RELN: variants seen among roughly 807,000 people sequenced by gnomAD.
RELN encodes reelin.
RELN carries 108 observed loss-of-function variants against 427.6 expected under a neutral mutation model. That is an observed-to-expected ratio of 0.25 (90% confidence interval 0.22 to 0.30). The LOEUF (loss-of-function observed/expected upper bound fraction) is 0.30, where lower values mean the gene tolerates loss of function less well. Among genes scored for constraint, RELN ranks in the 10% least tolerant of loss-of-function variants. The pLI is 1.00. For synonymous variants in RELN, 1,524 were observed against 1,513.4 expected (o/e 1.01, Z -0.16); for missense variants, 3,715 against 4,302.8 (o/e 0.86, Z 3.82).
intron 3 of RELN, among the ~76,000 whole-genome samples, chr7:103,829,774 G>A (rs1011837388): frequency 2.0e-5 from 3 of 151,816 alleles, no homozygotes; most frequent in Admixed American, 6.6e-5. Flanking sequence ...AATCTTCACC[G>A]GGAAAGGCAC....
In RELN at chr7:103,626,555, T is replaced by C. The variant is rs999642521; in HGVS notation, c.2702+3385A>G. 6.6e-6 allele frequency among the ~76,000 whole-genome samples: 1 copy of C among 152,120 alleles called. No individual in the cohort carries two copies. Among genetic ancestry groups the C allele is most frequent in the African/African-American group, 2.4e-5 (1 of 41,442 alleles). Reference sequence around the variant, plus strand: ...CAGTAGAGATGGCGTTTTACCATGTTGGCCAGGCTGGTCTTTGAATTCCTG... The same window carrying C: ...CAGTAGAGATGGCGTTTTACCATGTCGGCCAGGCTGGTCTTTGAATTCCTG... On this transcript the variant is annotated intron_variant, in intron 20 of 64. Transcript: ENST00000428762. This position sits in a 1 kb window ranked among gnomAD's most constrained non-coding sequence, Gnocchi z 4.4.
chr7:103,874,435 C>A (rs1409832334), intron 2 of RELN, among the ~76,000 whole-genome samples: 2 of 144,478 alleles, frequency 1.4e-5, no homozygotes, highest in African/African-American at 5.0e-5. Flanking sequence ...TTGCAGATGA[C>A]ATGATTGTAT....
intron 4 of RELN, among the ~76,000 whole-genome samples, chr7:103,765,330 T>C (rs138493563): frequency 4.8e-4 from 73 of 152,318 alleles, no homozygotes; most frequent in African/African-American, 1.8e-3. Context: ...CCTTCTCTTC[T>C]GGGTTTGCAT....
intron 2 of RELN, among the ~76,000 whole-genome samples, chr7:103,850,582 G>A (rs980582682): frequency 6.6e-6 from 1 of 152,152 alleles, no homozygotes. Flanking sequence ...AATTTGAATG[G>A]GGCGAGAAGC....
intron 19 of RELN, 139 bp downstream of exon 19, chr7:103,635,286 T>C (rs1832553978): frequency 1.0e-5 from 9 of 859,778 alleles, no homozygotes; most frequent in Non-Finnish European, 1.6e-5. Flanking sequence ...TTGGTAGTTT[T>C]TCACTGCAAG....
At position 103,661,383 on chromosome 7, in the gene RELN, A is replaced by T. The variant is rs765270222; in HGVS notation, c.1434T>A (p.Phe478Leu). 6.2e-7 allele frequency: 1 copy of T among 1,613,936 alleles called. No individual in the cohort carries two copies. Among genetic ancestry groups the T allele is most frequent in the African/African-American group, 1.3e-5 (1 of 75,044 alleles). ...TTGTGAAAATGTACTTACCCATCAC[A>T]AAGTAAAACCTCAGGTTCCCATAAC... is the stretch of plus-strand genomic sequence containing the variant. ...TTGYGNLRFY[F>L]VMGGICDPGN... The change falls in exon 12 of 65, where the codon TTT becomes TTA. Residue 478 changes from phenylalanine (F) to leucine (L), a missense_variant. Coordinates refer to ENST00000428762, the MANE Select transcript of RELN (RefSeq NM_005045.4).
At chr7:103,504,073 G>A (rs539909058) in intron 51 of RELN, among the ~76,000 whole-genome samples, 4 of 152,052 alleles carry the variant, frequency 2.6e-5, no homozygotes, top group Admixed American at 6.5e-5. Flanking sequence ...GCATGGTGGC[G>A]TGCACCTGTA....
chr7:103,733,853 G>A (rs538065075), intron 6 of RELN, among the ~76,000 whole-genome samples: 6 of 151,828 alleles, frequency 4.0e-5, no homozygotes, highest in Non-Finnish European at 8.8e-5. Context: ...TGACGAGTTA[G>A]TGGGTGCAGC....
At chr7:103,484,969 T>C (rs1312993276) in intron 61 of RELN, among the ~76,000 whole-genome samples, 1 of 152,350 alleles carries the variant, frequency 6.6e-6, no homozygotes, top group East Asian at 1.9e-4. Flanking sequence ...CATGACATTT[T>C]GCTTTTCATT....
At position 103,490,832 on chromosome 7, in the gene RELN, G is replaced by A. The variant is rs201541369; in HGVS notation, c.9444-3C>T. On this transcript the variant is annotated splice_region_variant and splice_polypyrimidine_tract_variant and intron_variant, in intron 58 of 64. Transcript: ENST00000428762. ...GTACGAGCTGCCAGGAATCCGATCT[G>A]CAGAAACCAAAAGGCTTTGTTAGAC... 2 of 1,614,084 alleles carry A rather than the reference G, an allele frequency of 1.2e-6. No individual in the cohort carries two copies. The highest frequency in any genetic ancestry group is 1.7e-6 in the Non-Finnish European group (2 of 1,179,988).
chr7:103,935,281 A>G (rs548095044), intron 1 of RELN, among the ~76,000 whole-genome samples: 2 of 152,254 alleles, frequency 1.3e-5, no homozygotes, highest in South Asian at 4.1e-4. Flanking sequence ...GTAAGCTTCC[A>G]TCTCAAATGC....
intron 1 of RELN, among the ~76,000 whole-genome samples, chr7:103,946,021 T>C (rs1162239185): frequency 6.6e-6 from 1 of 152,182 alleles, no homozygotes; most frequent in Non-Finnish European, 1.5e-5. Flanking sequence ...TACATCCCCA[T>C]TGTTAAGCAA....
chr7:103,696,417 C>G (rs1212361029), intron 10 of RELN, among the ~76,000 whole-genome samples: 4 of 152,052 alleles, frequency 2.6e-5, no homozygotes, highest in Admixed American at 6.6e-5. Context: ...AACATCTAAC[C>G]TCCCACCAAA....
chr7:103,564,229 G>A (rs1226831529), intron 34 of RELN, among the ~76,000 whole-genome samples: 3 of 152,128 alleles, frequency 2.0e-5, no homozygotes, highest in Non-Finnish European at 2.9e-5. Context: ...AAAATGTTTT[G>A]GCTTCCTGAA....
chr7:103,622,662 GTTGTTTCTTT>G (rs1453738392), intron 20 of RELN, among the ~76,000 whole-genome samples: 79 of 152,154 alleles, frequency 5.2e-4, no homozygotes, highest in African/African-American at 1.8e-3. Context: ...CTTTTACATA[GTTGTTTCTTT>G]CATTATTCTA....
chr7:103,896,573 CAA>C (rs1794965230), intron 2 of RELN, among the ~76,000 whole-genome samples: 1 of 151,992 alleles, frequency 6.6e-6, no homozygotes, highest in Non-Finnish European at 1.5e-5. Flanking sequence ...TTGAATAAAA[CAA>C]AACAGAGATT....
At chr7:103,660,589 G>C (rs1562944619) in intron 12 of RELN, among the ~76,000 whole-genome samples, 1 of 152,170 alleles carries the variant, frequency 6.6e-6, no homozygotes, top group Non-Finnish European at 1.5e-5. Context: ...AGACTCAGGA[G>C]ATCTGTTTGT....
At chr7:103,882,708 C>A (rs1299682807) in intron 2 of RELN, among the ~76,000 whole-genome samples, 3 of 152,206 alleles carry the variant, frequency 2.0e-5, no homozygotes, top group African/African-American at 7.2e-5. Flanking sequence ...GGATAAATTC[C>A]TGGACACATA....
chr7:103,565,587 T>C (rs2117186802), intron 33 of RELN, 36 bp from the exon 34 acceptor site: 1 of 1,599,328 alleles, frequency 6.3e-7, no homozygotes, highest in South Asian at 1.1e-5. Context: ...AGCATATATG[T>C]GTGCCATTTT....
Sources: gnomAD v4.1 joint callset for allele counts (sites outside exome capture counted in the v4.1 genomes callset) on GRCh38, gnomAD v4.1.1 for gene constraint, Gnocchi (gnomAD v3.1) non-coding constraint, MANE v1.5 for transcripts, NCBI Gene and HGNC (gene_info 2026-07-23, HGNC 2026-07-21) for gene names.